DNAH8: variants seen among roughly 807,000 people sequenced by gnomAD.
DNAH8 encodes axonemal beta dynein heavy chain 8.
Under a neutral mutation model 562.1 loss-of-function variants are expected in DNAH8, and 382 were observed. The observed-to-expected ratio is 0.68, with a 90% CI of 0.63 to 0.74. The LOEUF (loss-of-function observed/expected upper bound fraction) is 0.74. DNAH8 is among the 30% of genes least tolerant of loss of function. DNAH8 has a pLI of 0.00. For synonymous variants in DNAH8, 1,881 were observed against 1,919.4 expected, an observed-to-expected ratio of 0.98 and a Z score of 0.52; for missense variants, 5,203 against 5,620.4, an observed-to-expected ratio of 0.93 and a Z score of 2.37.
At chr6:39,004,122 T>C (rs1014422282) in intron 88 of DNAH8, among the ~76,000 whole-genome samples, 2 of 152,164 alleles carry the variant, frequency 1.3e-5, no homozygotes, top group Non-Finnish European at 2.9e-5. Flanking sequence ...GTACCTGTAG[T>C]CCCAGCTCCT....
chr6:38,791,633 A>G lies in DNAH8; in HGVS notation c.2860A>G (p.Ser954Gly), dbSNP rs142581907. ...AKTVLISLPE[S>G]GATKVEDMLT... is the part of the protein sequence containing the mutation. ...AACTGTGTTGATTTCTCTGCCTGAA[A>G]GTGGTGCTACCAAAGTAGAAGATAT... The change falls in exon 21 of 93, where the codon AGT (serine) becomes GGT (glycine). Residue 954 changes from serine to glycine, a missense_variant. By Grantham distance (56) the Ser-to-Gly change is moderately conservative (BLOSUM62 0). Coordinates refer to ENST00000327475, the MANE Select transcript of DNAH8 (RefSeq NM_001206927.2). 6.2e-7 allele frequency: 1 copy of G among 1,614,040 alleles called. No homozygotes were observed. The highest frequency in any genetic ancestry group is 8.5e-7 in the Non-Finnish European group (1 of 1,179,952).
rs534009814 is a variant in DNAH8 at position 38,788,189 on chromosome 6, G to T, written c.2583+1237G>T. 4.0e-5 allele frequency among the ~76,000 whole-genome samples: 6 copies of T among 148,954 alleles called. No individual in the cohort carries two copies. In the South Asian group the frequency reaches 1.1e-3, roughly 26 times the overall value. On this transcript the variant is annotated intron_variant, in intron 18 of 92. Transcript: ENST00000327475. ...TTTGTTGTTGTTGGAGTCTTGCTCTGTTGCCAGGCTGGAGTGCAGAGGCAT... is the reference window on the plus strand; with the variant it reads ...TTTGTTGTTGTTGGAGTCTTGCTCTTTTGCCAGGCTGGAGTGCAGAGGCAT...
rs576743061 is a variant in DNAH8 at position 38,845,505 on chromosome 6, T to C, written c.4846-69T>C. 1.6e-4 allele frequency: 204 copies of C among 1,311,732 alleles called. 2 individuals are homozygous for C. In the East Asian group the frequency reaches 4.8e-3, roughly 31 times the overall value. 81.3% of individuals were successfully genotyped at this position (1,311,732 alleles called of 1,614,324 possible). ...TCCCTTTCAAGCAAAAAAAAAATTC[T>C]ATGATTTGATGATGCACTTAATTTG... On this transcript the variant is annotated intron_variant, in intron 35 of 92. Coordinates refer to ENST00000327475, the MANE Select transcript of DNAH8 (RefSeq NM_001206927.2).
intron 66 of DNAH8, among the ~76,000 whole-genome samples, chr6:38,913,117 C>T (rs1781028852): frequency 6.6e-6 from 1 of 152,154 alleles, no homozygotes; most frequent in Non-Finnish European, 1.5e-5. Flanking sequence ...ACTCTATTTT[C>T]TTATATCAAT....
At chr6:38,837,039 T>A (rs980731002) in intron 32 of DNAH8, among the ~76,000 whole-genome samples, 1 of 152,014 alleles carries the variant, frequency 6.6e-6, no homozygotes, top group African/African-American at 2.4e-5. Flanking sequence ...TAGTGAAGAG[T>A]CCTATGGACT....
chr6:38,856,114 C>A (rs1776176958), intron 41 of DNAH8, among the ~76,000 whole-genome samples: 1 of 152,198 alleles, frequency 6.6e-6, no homozygotes, highest in Admixed American at 6.5e-5. Flanking sequence ...ATCCTCTTCT[C>A]CTTACCCTTC....
chr6:38,851,554 TG>T lies in DNAH8; in HGVS notation c.5364-17del. 6.6e-7 allele frequency: 1 copy of T among 1,524,404 alleles called. No individual in the cohort carries two copies. The highest frequency in any genetic ancestry group is 9.0e-7 in the Non-Finnish European group (1 of 1,112,002). 94.4% of individuals were successfully genotyped at this position (1,524,404 alleles called of 1,614,324 possible). A position where few individuals can be genotyped will look rare whatever the true frequency, so the allele number is the denominator to read the frequency against. ...GAAAAAAAACCACTTGGTAACATAC[TG>T]TCGACTTTATTTGAAGGTATTTGGA... On this transcript the variant is annotated splice_polypyrimidine_tract_variant and intron_variant, in intron 38 of 92. Coordinates refer to ENST00000327475, the MANE Select transcript of DNAH8 (RefSeq NM_001206927.2).
At chr6:38,906,523 A>G (rs1192693529) in intron 63 of DNAH8, 116 bp downstream of exon 63, 3 of 821,578 alleles carry the variant, frequency 3.7e-6, no homozygotes, top group South Asian at 3.6e-5. Flanking sequence ...TATTTTAGAC[A>G]TGGTTAATGT....
intron 68 of DNAH8, among the ~76,000 whole-genome samples, chr6:38,915,933 T>C (rs1004192298): frequency 1.6e-4 from 25 of 152,140 alleles, no homozygotes; most frequent in Non-Finnish European, 4.4e-5. Context: ...CACACGTGTA[T>C]ATACTTACAC....
At chr6:38,989,274 T>A (rs1764620973) in intron 87 of DNAH8, among the ~76,000 whole-genome samples, 1 of 152,246 alleles carries the variant, frequency 6.6e-6, no homozygotes, top group Non-Finnish European at 1.5e-5. Flanking sequence ...CTGGGAAAAT[T>A]GCTGTGAGAC....
At position 38,890,764 on chromosome 6, in the gene DNAH8, A is replaced by G. The variant is rs1404633741; in HGVS notation, c.8583+3A>G. 6.3e-7 allele frequency: 1 copy of G among 1,596,956 alleles called. No homozygotes were observed. Among genetic ancestry groups the G allele is most frequent in the Non-Finnish European group, 8.6e-7 (1 of 1,164,514 alleles). On this transcript the variant is annotated splice_donor_region_variant and intron_variant, in intron 58 of 92. Coordinates refer to ENST00000327475, the MANE Select transcript of DNAH8 (RefSeq NM_001206927.2). ...GAGTGCTGTGGCAATGGACTAAGGT[A>G]CAGAATGGTTTGTCAATAATTTTTA...
chr6:38,809,744 A>G (rs895412069), intron 24 of DNAH8, among the ~76,000 whole-genome samples: 1 of 152,106 alleles, frequency 6.6e-6, no homozygotes, highest in Admixed American at 6.5e-5. Flanking sequence ...GTACTGTTCA[A>G]TTCTCCCAGT....
intron 23 of DNAH8, among the ~76,000 whole-genome samples, chr6:38,806,910 T>C (rs547198933): frequency 1.3e-5 from 2 of 152,294 alleles, no homozygotes; most frequent in African/African-American, 4.8e-5. Flanking sequence ...GTTCATGCCT[T>C]ATTACTCTCT....
chr6:38,806,998 G>C (rs1445126122), intron 23 of DNAH8, among the ~76,000 whole-genome samples: 1 of 152,018 alleles, frequency 6.6e-6, no homozygotes, highest in Non-Finnish European at 1.5e-5. Flanking sequence ...GCCTTGCCCC[G>C]ATGTATGACT....
chr6:38,790,864 C>T (rs1291225000), intron 20 of DNAH8, among the ~76,000 whole-genome samples: 1 of 151,222 alleles, frequency 6.6e-6, no homozygotes, highest in Non-Finnish European at 1.5e-5. Flanking sequence ...ATTTCTTTTA[C>T]TGGATTGGGG....
chr6:38,812,529 C>G (rs1458390866), intron 24 of DNAH8, among the ~76,000 whole-genome samples: 1 of 152,206 alleles, frequency 6.6e-6, no homozygotes, highest in Non-Finnish European at 1.5e-5. Context: ...TCACGCTCTA[C>G]AGAGGCTGCT....
chr6:38,871,098 C>T (rs1777438834), intron 49 of DNAH8, among the ~76,000 whole-genome samples: 1 of 152,216 alleles, frequency 6.6e-6, no homozygotes, highest in Admixed American at 6.5e-5. Context: ...GAATCAAGAA[C>T]TTGTAGCAGA....
chr6:38,743,432 C>A (rs1393528301), intron 8 of DNAH8, among the ~76,000 whole-genome samples: 3 of 152,076 alleles, frequency 2.0e-5, no homozygotes, highest in Non-Finnish European at 2.9e-5. Flanking sequence ...TTAAAGTGAA[C>A]AATTCAGATA....
chr6:39,000,592 G>T (rs1267979458), intron 88 of DNAH8, among the ~76,000 whole-genome samples: 1 of 152,192 alleles, frequency 6.6e-6, no homozygotes, highest in Non-Finnish European at 1.5e-5. Flanking sequence ...AGAATTTAAT[G>T]CCTGATGATC....
Sources: gnomAD v4.1 joint callset for allele counts (sites outside exome capture counted in the v4.1 genomes callset) on GRCh38, gnomAD v4.1.1 for gene constraint, MANE v1.5 for transcripts, NCBI Gene and HGNC (gene_info 2026-07-23, HGNC 2026-07-21) for gene names.